The following NFIB variants were observed in gnomAD, a reference collection of about 807,000 sequenced individuals.
NFIB encodes the protein nuclear factor I B.
Under a neutral mutation model 61.5 loss-of-function variants are expected in NFIB, and 11 were observed. That is an observed-to-expected ratio of 0.18 (90% CI 0.11 to 0.30). The LOEUF (loss-of-function observed/expected upper bound fraction) is 0.30, where lower values mean the gene tolerates loss of function less well. Ranked by LOEUF, NFIB falls within the 10% of genes least tolerant of loss-of-function variation. The probability of loss-of-function intolerance (pLI) is 1.00; values close to 1 mark genes in which losing one functional copy is unlikely to be tolerated. For synonymous variants in NFIB, 260 were observed against 216.5 expected, an observed-to-expected ratio of 1.20 and a Z score of -1.76; for missense variants, 471 against 608.9, an observed-to-expected ratio of 0.77 and a Z score of 2.38.
intron 7 of NFIB, among the ~76,000 whole-genome samples, chr9:14,123,080 C>T (rs997928269): frequency 3.3e-5 from 5 of 151,466 alleles, no homozygotes; most frequent in African/African-American, 1.2e-4. Flanking sequence ...ATGGTGAAAC[C>T]CCATCTCTAC....
the NFIB span, among the ~76,000 whole-genome samples, chr9:14,426,381 C>G: frequency 1.4e-4 from 21 of 152,268 alleles, no homozygotes; most frequent in African/African-American, 5.1e-4. Flanking sequence ...TTTATGATGA[C>G]ACATTTTGTT....
intron 2 of NFIB, among the ~76,000 whole-genome samples, chr9:14,214,554 A>G (rs554288942): frequency 1.1e-3 from 174 of 152,310 alleles, no homozygotes; most frequent in African/African-American, 4.0e-3. Flanking sequence ...GCTTTCCTCT[A>G]AGAAACTGCC....
At chr9:14,263,846 T>C (rs2056988508) in intron 2 of NFIB, among the ~76,000 whole-genome samples, 1 of 152,212 alleles carries the variant, frequency 6.6e-6, no homozygotes, top group Non-Finnish European at 1.5e-5. Context: ...GTTTGTCCTC[T>C]GCATCTGGCA....
chr9:14,517,548 C>T, the NFIB span, among the ~76,000 whole-genome samples: 1 of 152,114 alleles, frequency 6.6e-6, no homozygotes, highest in Non-Finnish European at 1.5e-5. Context: ...GTTACTTGAT[C>T]TACGTCTGTG....
chr9:14,483,321 T>C, the NFIB span, among the ~76,000 whole-genome samples: 2 of 152,210 alleles, frequency 1.3e-5, no homozygotes, highest in Non-Finnish European at 2.9e-5. Flanking sequence ...GCTACCGGGA[T>C]ATATAGAATA....
the NFIB span, among the ~76,000 whole-genome samples, chr9:14,430,055 C>A: frequency 3.3e-5 from 5 of 152,100 alleles, no homozygotes; most frequent in African/African-American, 4.8e-5. Flanking sequence ...GTAATATAAA[C>A]CCTTTCCAAT....
chr9:14,240,442 T>C (rs980933766), intron 2 of NFIB, among the ~76,000 whole-genome samples: 4 of 152,196 alleles, frequency 2.6e-5, no homozygotes, highest in Non-Finnish European at 4.4e-5. Context: ...CATCGCATTA[T>C]AAATGGTGTG....
At chr9:14,246,690 T>C (rs1228599220) in intron 2 of NFIB, among the ~76,000 whole-genome samples, 4 of 152,204 alleles carry the variant, frequency 2.6e-5, no homozygotes, top group African/African-American at 9.6e-5. Context: ...AAACATCCTA[T>C]GCCAAACCCT....
chr9:14,134,913 A>AAAAAAGAAAAAG (rs1554644522), intron 6 of NFIB, among the ~76,000 whole-genome samples: 35 of 133,376 alleles, frequency 2.6e-4, no homozygotes, highest in African/African-American at 9.1e-4. Flanking sequence ...AAAAAAAAAA[A>AAAAAAGAAAAAG]AAAAAAAGGA....
chr9:14,097,403 G>A (rs868473605), intron 10 of NFIB, among the ~76,000 whole-genome samples: 4 of 152,044 alleles, frequency 2.6e-5, no homozygotes, highest in African/African-American at 7.2e-5. Flanking sequence ...TTCAGCACTC[G>A]GAGAATAAAG....
chr9:14,106,145 TA>T (rs1300711016), intron 10 of NFIB, among the ~76,000 whole-genome samples: 1 of 152,090 alleles, frequency 6.6e-6, no homozygotes, highest in African/African-American at 2.4e-5. Flanking sequence ...TAATCAAATT[TA>T]AAATACCAAG....
intron 2 of NFIB, among the ~76,000 whole-genome samples, chr9:14,262,515 T>C (rs186613170): frequency 1.1e-4 from 16 of 152,190 alleles, no homozygotes; most frequent in Admixed American, 9.2e-4. Context: ...AGGATTAAAG[T>C]GAGAAGAATC....
chr9:14,359,840 A>G (rs148054745), intron 1 of NFIB, among the ~76,000 whole-genome samples: 120 of 152,286 alleles, frequency 7.9e-4, no homozygotes, highest in Middle Eastern at 3.4e-3. Flanking sequence ...GTAAAGTTAG[A>G]TTTAAAGAAA....
chr9:14,180,327 T>C (rs1320637521), intron 2 of NFIB, among the ~76,000 whole-genome samples: 1 of 152,082 alleles, frequency 6.6e-6, no homozygotes, highest in East Asian at 1.9e-4. Flanking sequence ...ATAATAGCAA[T>C]CGATTTGCAA....
the NFIB span, among the ~76,000 whole-genome samples, chr9:14,507,480 T>C: frequency 3.3e-5 from 5 of 152,224 alleles, no homozygotes; most frequent in African/African-American, 1.2e-4. Flanking sequence ...GTAACATTTT[T>C]CTTTGTTCAA....
the NFIB span, among the ~76,000 whole-genome samples, chr9:14,431,880 C>T: frequency 6.6e-6 from 1 of 152,272 alleles, no homozygotes; most frequent in African/African-American, 2.4e-5. Flanking sequence ...CTGACTTCCC[C>T]TCCCCCACTG....
chr9:14,314,087 A>C lies in NFIB; in HGVS notation c.-576T>G. The C allele has an allele frequency of 1.9e-6, 2 of 1,049,334 alleles. No individual in the cohort carries two copies. Among genetic ancestry groups the C allele is most frequent in the Non-Finnish European group, 2.3e-6 (2 of 869,754 alleles). 65.0% of individuals were successfully genotyped at this position (1,049,334 alleles called of 1,614,324 possible). A position where few individuals can be genotyped will look rare whatever the true frequency, so the allele number is the denominator to read the frequency against. On this transcript the variant is annotated 5_prime_UTR_variant, in exon 1 of 11. Transcript: ENST00000380953. ...GATCCCGGAGTGGTGATCGCAGGCG[A>C]AACTTTGCCGCGAGCCGACCATGTG... is the stretch of plus-strand genomic sequence containing the variant.
chr9:14,379,809 A>C lies in NFIB; in HGVS notation c.108+18715T>G, dbSNP rs927599251. Among the ~76,000 whole-genome samples the C allele has an allele frequency of 3.3e-5, 5 of 151,924 alleles. No individual in the cohort carries two copies. In the East Asian group the frequency reaches 9.7e-4, roughly 29 times the overall value. On this transcript the variant is annotated intron_variant, in intron 1 of 8. Coordinates refer to the NFIB transcript ENST00000380934. ...GCAATTCTCCTACCTCAGCCTCCCG[A>C]GTAGCTGGAATTACAGGTGCCTGCC...
At chr9:14,447,484 G>C in the NFIB span, among the ~76,000 whole-genome samples, 6 of 152,054 alleles carry the variant, frequency 3.9e-5, no homozygotes, top group African/African-American at 9.7e-5. Context: ...CTTGGCTTGA[G>C]GTTTTTAAAA....
Sources: gnomAD v4.1 joint callset for allele counts (sites outside exome capture counted in the v4.1 genomes callset) on GRCh38, gnomAD v4.1.1 for gene constraint, MANE v1.5 for transcripts, NCBI Gene and HGNC (gene_info 2026-07-23, HGNC 2026-07-21) for gene names.